The following NCAM2 variants were observed in gnomAD, a reference collection of about 807,000 sequenced individuals.
NCAM2 encodes the protein neural cell adhesion molecule 2.
NCAM2 carries 30 observed loss-of-function variants against 98.1 expected under a neutral mutation model. The ratio of observed to expected loss-of-function variants is 0.31; its 90% confidence interval spans 0.23 to 0.41. The LOEUF (loss-of-function observed/expected upper bound fraction) is 0.41. Ranked by LOEUF, NCAM2 falls within the 10% of genes least tolerant of loss-of-function variation. The pLI is 1.00. For synonymous variants in NCAM2, 368 were observed against 342.4 expected (o/e 1.07, Z -0.83); for missense variants, 867 against 1,005.8 (o/e 0.86, Z 1.87).
At chr21:21,125,534 A>ATATATTACATATAATATGT (rs1569049661) in intron 1 of NCAM2, among the ~76,000 whole-genome samples, 1 of 12,614 alleles carries the variant, frequency 7.9e-5, no homozygotes. Context: ...GTAATATATA[A>ATATATTACATATAATATGT]AATATATATT....
chr21:21,468,204 GCA>G (rs1462145438), intron 13 of NCAM2, among the ~76,000 whole-genome samples: 12 of 151,926 alleles, frequency 7.9e-5, no homozygotes, highest in African/African-American at 2.4e-4. Flanking sequence ...GCTTATTAAA[GCA>G]CATTTACTAA....
intron 1 of NCAM2, among the ~76,000 whole-genome samples, chr21:21,072,699 G>A (rs928166420): frequency 2.0e-5 from 3 of 151,990 alleles, no homozygotes; most frequent in African/African-American, 7.2e-5. Context: ...CATTATTAGT[G>A]TAACTTGCCT....
Position 20,998,480 on chromosome 21 carries a change from G to C in NCAM2, c.-84G>C, listed in dbSNP as rs1601040498. The C allele has an allele frequency of 7.0e-7, 1 of 1,425,196 alleles. No homozygotes were observed. The highest frequency in any genetic ancestry group is 9.7e-7 in the Non-Finnish European group (1 of 1,036,210). 88.3% of individuals were successfully genotyped at this position (1,425,196 alleles called of 1,614,324 possible). On this transcript the variant is annotated 5_prime_UTR_variant, in exon 1 of 18. Transcript: ENST00000400546. ...GGGAGCGGCGGCGGCGGCTCTAGCA[G>C]AGGCGGCCGGGGCAGCGAAAGGTTC...
At chr21:21,281,183 G>A (rs931659218) in intron 2 of NCAM2, among the ~76,000 whole-genome samples, 1 of 152,036 alleles carries the variant, frequency 6.6e-6, no homozygotes, top group Non-Finnish European at 1.5e-5. Context: ...TGTTAATTTA[G>A]ACTGCTAATC....
intron 12 of NCAM2, among the ~76,000 whole-genome samples, chr21:21,448,020 T>C (rs1980446579): frequency 6.6e-6 from 1 of 152,074 alleles, no homozygotes; most frequent in Admixed American, 6.6e-5. Context: ...GAAATATAAC[T>C]GGACCCAGCA....
At chr21:21,060,731 T>C (rs892620156) in intron 1 of NCAM2, among the ~76,000 whole-genome samples, 6 of 152,090 alleles carry the variant, frequency 3.9e-5, no homozygotes, top group African/African-American at 9.7e-5. Flanking sequence ...CCCACACATA[T>C]AGTTTTATTT....
At chr21:21,175,039 TAATAAAGTTTTTTTTTCTTTAAA>T (rs1258424000) in intron 1 of NCAM2, among the ~76,000 whole-genome samples, 2 of 152,072 alleles carry the variant, frequency 1.3e-5, no homozygotes, top group Non-Finnish European at 2.9e-5. Flanking sequence ...CAAGTCACAG[TAATAAAGTTTTTTTTTCTTTAAA>T]AAGAAAAAGG....
At chr21:21,206,862 A>G (rs1423209671) in intron 1 of NCAM2, among the ~76,000 whole-genome samples, 3 of 152,254 alleles carry the variant, frequency 2.0e-5, no homozygotes, top group Admixed American at 6.5e-5. Flanking sequence ...TCTGGTATCT[A>G]TAACATTTAC....
intron 1 of NCAM2, among the ~76,000 whole-genome samples, chr21:21,143,768 G>T (rs2067216296): frequency 1.4e-5 from 2 of 144,578 alleles, no homozygotes; most frequent in African/African-American, 5.1e-5. Context: ...TGTCTTGTAG[G>T]CCTTTTCTCC....
At chr21:21,125,709 A>ATG (rs2066804870) in intron 1 of NCAM2, among the ~76,000 whole-genome samples, 1 of 49,168 alleles carries the variant, frequency 2.0e-5, no homozygotes, top group Non-Finnish European at 5.8e-5. Flanking sequence ...TTACATATAT[A>ATG]TATATAGAGA....
intron 1 of NCAM2, among the ~76,000 whole-genome samples, chr21:21,098,770 C>CA (rs563722204): frequency 1.3e-5 from 2 of 151,482 alleles, no homozygotes; most frequent in Non-Finnish European, 3.0e-5. Context: ...TGAAGATGGA[C>CA]AAAAAAAGAT....
intron 12 of NCAM2, among the ~76,000 whole-genome samples, chr21:21,449,994 C>G (rs942983076): frequency 6.6e-6 from 1 of 151,944 alleles, no homozygotes; most frequent in African/African-American, 2.4e-5. Flanking sequence ...ATCTTTTAAA[C>G]TAATGTACTG....
chr21:21,122,059 T>C (rs1270837092), intron 1 of NCAM2, among the ~76,000 whole-genome samples: 1 of 152,190 alleles, frequency 6.6e-6, no homozygotes, highest in Non-Finnish European at 1.5e-5. Context: ...AGAACAAAAA[T>C]CGATTAATGT....
intron 1 of NCAM2, among the ~76,000 whole-genome samples, chr21:21,242,980 T>G (rs992929771): frequency 2.0e-5 from 3 of 151,918 alleles, no homozygotes; most frequent in African/African-American, 7.3e-5. Context: ...TCTCTGTGTA[T>G]TTTGGACTCT....
At chr21:21,395,014 A>G (rs2076471725) in intron 9 of NCAM2, among the ~76,000 whole-genome samples, 1 of 152,294 alleles carries the variant, frequency 6.6e-6, no homozygotes, top group Admixed American at 6.5e-5. Context: ...GGCAAGTAAC[A>G]TTGTTCTTTC....
At chr21:21,225,483 T>G (rs747683482) in intron 1 of NCAM2, among the ~76,000 whole-genome samples, 1 of 152,142 alleles carries the variant, frequency 6.6e-6, no homozygotes, top group Non-Finnish European at 1.5e-5. Flanking sequence ...TACGGCAGTT[T>G]ATAGAATTTC....
intron 8 of NCAM2, among the ~76,000 whole-genome samples, chr21:21,339,016 C>G (rs918805973): frequency 2.6e-5 from 4 of 152,102 alleles, no homozygotes; most frequent in Non-Finnish European, 5.9e-5. Flanking sequence ...TTAGAAAACA[C>G]TGTGGTGAGT....
At chr21:21,512,555 G>T (rs189578975) in intron 16 of NCAM2, among the ~76,000 whole-genome samples, 93 of 151,908 alleles carry the variant, frequency 6.1e-4, no homozygotes, top group Non-Finnish European at 6.2e-4. Context: ...GAGTCAGGAT[G>T]GTTTTGGCTC....
intron 12 of NCAM2, among the ~76,000 whole-genome samples, chr21:21,439,177 G>A (rs969357198): frequency 6.6e-5 from 10 of 150,832 alleles, no homozygotes; most frequent in African/African-American, 9.8e-5. Flanking sequence ...GCATTGCAGC[G>A]GCACAATCAT....
Sources: gnomAD v4.1 joint callset for allele counts (sites outside exome capture counted in the v4.1 genomes callset) on GRCh38, gnomAD v4.1.1 for gene constraint, MANE v1.5 for transcripts, NCBI Gene and HGNC (gene_info 2026-07-23, HGNC 2026-07-21) for gene names.